CRPPA: variants seen among roughly 807,000 people sequenced by gnomAD.
The protein encoded by CRPPA is D-ribitol-5-phosphate cytidylyltransferase.
In CRPPA, 43 loss-of-function variants were observed where a neutral mutation model predicts 52.0. The ratio of observed to expected loss-of-function variants is 0.83; its 90% CI spans 0.65 to 1.07. The LOEUF is 1.07. Among genes scored for constraint, CRPPA ranks in the 50% least tolerant of loss-of-function variants. The pLI is 0.00. For missense variants in CRPPA, 629 were observed against 551.7 expected, an observed-to-expected ratio of 1.14 and a Z score of -1.40; for synonymous variants, 250 against 203.5, an observed-to-expected ratio of 1.23 and a Z score of -1.94.
At position 16,342,792 on chromosome 7, in the gene CRPPA, T is replaced by TAGATAGATAG. The variant is rs764068705; in HGVS notation, c.684+33299_684+33300insCTATCTATCT. Among the ~76,000 whole-genome samples, 175 of 91,532 alleles carry TAGATAGATAG rather than the reference T, an allele frequency of 1.9e-3. 24 individuals are homozygous for TAGATAGATAG. The highest frequency in any genetic ancestry group is 7.1e-3 in the African/African-American group (170 of 24,060). 60.0% of individuals were successfully genotyped at this position (91,532 alleles called of 152,430 possible). On this transcript the variant is annotated intron_variant, in intron 3 of 9. Coordinates refer to ENST00000407010, the MANE Select transcript of CRPPA (RefSeq NM_001101426.4). ...AAAAAAAAAAAAAAAAATATATATA[T>TAGATAGATAG]ATATATCTATATAGATATATAGATA... is the stretch of plus-strand genomic sequence containing the variant.
intron 1 of CRPPA, among the ~76,000 whole-genome samples, chr7:16,408,169 C>T (rs2128318830): frequency 6.6e-6 from 1 of 151,274 alleles, no homozygotes; most frequent in East Asian, 1.9e-4. Flanking sequence ...AATAAGCGCT[C>T]AGAACTTACA....
intron 9 of CRPPA, among the ~76,000 whole-genome samples, chr7:16,198,378 A>G (rs1781781900): frequency 1.3e-5 from 1 of 78,754 alleles, no homozygotes; most frequent in Admixed American, 1.6e-4. Flanking sequence ...TGCATATCTA[A>G]AAGCACAGCA....
intron 9 of CRPPA, among the ~76,000 whole-genome samples, chr7:16,172,949 G>T (rs1001482990): frequency 2.6e-5 from 4 of 152,140 alleles, no homozygotes; most frequent in African/African-American, 9.7e-5. Context: ...AACATACTTT[G>T]TTTTCAACTG....
intron 3 of CRPPA, among the ~76,000 whole-genome samples, chr7:16,358,633 T>C (rs1323650506): frequency 6.6e-6 from 1 of 152,194 alleles, no homozygotes; most frequent in Non-Finnish European, 1.5e-5. Flanking sequence ...ACACAGAATC[T>C]GAAGAATACT....
intron 8 of CRPPA, among the ~76,000 whole-genome samples, chr7:16,233,151 A>T (rs1214846680): frequency 6.6e-6 from 1 of 152,142 alleles, no homozygotes; most frequent in Non-Finnish European, 1.5e-5. Flanking sequence ...CAGCAAAAAA[A>T]AAGAAGGCAA....
chr7:16,415,657 G>C (rs1333301391), intron 1 of CRPPA, among the ~76,000 whole-genome samples: 1 of 152,118 alleles, frequency 6.6e-6, no homozygotes. Flanking sequence ...CTACCTGAAG[G>C]CTTATGTTTT....
intron 9 of CRPPA, among the ~76,000 whole-genome samples, chr7:16,117,093 A>C (rs980106646): frequency 6.6e-6 from 1 of 152,216 alleles, no homozygotes; most frequent in African/African-American, 2.4e-5. Context: ...GACCTTATAT[A>C]CAGATTTTTC....
intron 9 of CRPPA, among the ~76,000 whole-genome samples, chr7:16,182,525 A>T (rs1781431511): frequency 1.3e-5 from 2 of 152,180 alleles, no homozygotes; most frequent in Admixed American, 6.5e-5. Flanking sequence ...GTATTTCATA[A>T]ATTATCCAAA....
At chr7:16,107,400 G>A (rs1029909473) in intron 9 of CRPPA, among the ~76,000 whole-genome samples, 1 of 152,030 alleles carries the variant, frequency 6.6e-6, no homozygotes, top group African/African-American at 2.4e-5. Flanking sequence ...ACAAAGGAAT[G>A]ACAATGTGAC....
chr7:16,375,018 T>C (rs1342783351), intron 3 of CRPPA, among the ~76,000 whole-genome samples: 1 of 152,232 alleles, frequency 6.6e-6, no homozygotes, highest in Admixed American at 6.5e-5. Context: ...CCTCACTTTT[T>C]AGAAATCCTA....
At chr7:16,246,324 A>G (rs1018257050) in intron 8 of CRPPA, among the ~76,000 whole-genome samples, 7 of 152,194 alleles carry the variant, frequency 4.6e-5, no homozygotes. Flanking sequence ...TCAGTCATAT[A>G]TTCAGACTCT....
intron 9 of CRPPA, among the ~76,000 whole-genome samples, chr7:16,158,742 A>G (rs553427545): frequency 1.1e-3 from 165 of 152,326 alleles, no homozygotes; most frequent in Middle Eastern, 6.8e-3. Flanking sequence ...AATAGTATCT[A>G]TGCTGGCATT....
chr7:16,403,450 A>T (rs1442544798), intron 2 of CRPPA, among the ~76,000 whole-genome samples: 1 of 152,180 alleles, frequency 6.6e-6, no homozygotes, highest in Non-Finnish European at 1.5e-5. Flanking sequence ...GTTAGCATAC[A>T]TAACCCACCC....
At chr7:16,228,440 C>T (rs145243932) in intron 8 of CRPPA, among the ~76,000 whole-genome samples, 124 of 151,928 alleles carry the variant, frequency 8.2e-4, no homozygotes, top group African/African-American at 2.8e-3. Flanking sequence ...GTGTATGTTG[C>T]TATCAACTTC....
intron 9 of CRPPA, among the ~76,000 whole-genome samples, chr7:16,197,846 A>T (rs1562551609): frequency 1.3e-5 from 2 of 150,334 alleles, no homozygotes; most frequent in African/African-American, 4.9e-5. Context: ...TTAATCTATG[A>T]CCTTACCCCC....
At chr7:16,174,613 G>C (rs936163117) in intron 9 of CRPPA, among the ~76,000 whole-genome samples, 1 of 151,926 alleles carries the variant, frequency 6.6e-6, no homozygotes, top group African/African-American at 2.4e-5. Flanking sequence ...GAGAAACTGA[G>C]TTACAGAATT....
At chr7:16,378,570 T>C (rs1786974289) in intron 2 of CRPPA, among the ~76,000 whole-genome samples, 1 of 152,036 alleles carries the variant, frequency 6.6e-6, no homozygotes. Flanking sequence ...ACAATAAACA[T>C]ATGTGTGCAT....
At chr7:16,286,097 A>AATATATATATATATATATATATAT (rs71007759) in intron 5 of CRPPA, among the ~76,000 whole-genome samples, 9 of 39,114 alleles carry the variant, frequency 2.3e-4, no homozygotes, top group African/African-American at 7.3e-4. Context: ...TAAAAAAAAA[A>AATATATATATATATATATATATAT]ATATATATAT....
intron 2 of CRPPA, among the ~76,000 whole-genome samples, chr7:16,387,086 T>TATATATAC (rs1214967656): frequency 5.2e-3 from 291 of 55,626 alleles, no homozygotes; most frequent in Middle Eastern, 7.5e-3. Flanking sequence ...TATATATATA[T>TATATATAC]ACACACATAT....
Sources: gnomAD v4.1 joint callset for allele counts (sites outside exome capture counted in the v4.1 genomes callset) on GRCh38, gnomAD v4.1.1 for gene constraint, MANE v1.5 for transcripts, NCBI Gene and HGNC (gene_info 2026-07-23, HGNC 2026-07-21) for gene names.